PIGU: variants seen among roughly 807,000 people sequenced by gnomAD.
PIGU encodes the protein GPI-anchor transamidase component PIGU.
In PIGU, 24 loss-of-function variants were observed where a neutral mutation model predicts 49.9. The observed-to-expected ratio is 0.48, with a 90% CI of 0.35 to 0.68. The LOEUF is 0.68. Ranked by LOEUF, PIGU falls within the 30% of genes least tolerant of loss-of-function variation. The pLI is 0.01. For synonymous variants in PIGU, 220 were observed against 205.7 expected (o/e 1.07, Z -0.59); for missense variants, 490 against 532.6 (o/e 0.92, Z 0.79).
At chr20:34,662,873 G>A (rs1160153369) in intron 1 of PIGU, among the ~76,000 whole-genome samples, 1 of 152,072 alleles carries the variant, frequency 6.6e-6, no homozygotes, top group Non-Finnish European at 1.5e-5. Context: ...TTAGCAATGA[G>A]GATGTATTAT....
In PIGU at chr20:34,668,338, T is replaced by C. The variant is rs542048128; in HGVS notation, c.130+8618A>G. Among the ~76,000 whole-genome samples, 3 of 151,314 alleles carry C rather than the reference T, an allele frequency of 2.0e-5. No individual in the cohort carries two copies. The Admixed American group carries it at 2.0e-4, about 10-fold the overall frequency. ...ATTAGCTGGCATGGTGGCAGGGACC[T>C]ATAATCCCAGCTACTCGGGAGGCTA... On this transcript the variant is annotated intron_variant, in intron 1 of 11. Coordinates refer to ENST00000217446, the MANE Select transcript of PIGU (RefSeq NM_080476.5).
intron 7 of PIGU, among the ~76,000 whole-genome samples, chr20:34,612,366 C>T (rs1984847791): frequency 6.6e-6 from 1 of 151,912 alleles, no homozygotes; most frequent in African/African-American, 2.4e-5. Context: ...GGGTGGGGGA[C>T]AAGGTGTGGG....
At chr20:34,659,619 G>A (rs1332964474) in intron 1 of PIGU, among the ~76,000 whole-genome samples, 2 of 152,216 alleles carry the variant, frequency 1.3e-5, no homozygotes, top group Admixed American at 6.5e-5. Context: ...AGGGGGGAAA[G>A]GTGGGGAAAA....
intron 1 of PIGU, 85 bp from the exon 2 acceptor site, chr20:34,657,329 C>T (rs966302937): frequency 2.0e-6 from 2 of 979,842 alleles, no homozygotes; most frequent in Non-Finnish European, 3.2e-6. Context: ...CCAAAAAGGG[C>T]CTTAGCGTTT....
intron 6 of PIGU, among the ~76,000 whole-genome samples, chr20:34,626,032 T>C (rs2146751039): frequency 6.6e-6 from 1 of 151,034 alleles, no homozygotes; most frequent in Non-Finnish European, 1.5e-5. Context: ...TAGTTTAAAA[T>C]TATATTTAAA....
chr20:34,668,095 G>A (rs1280134376), intron 1 of PIGU, among the ~76,000 whole-genome samples: 1 of 152,100 alleles, frequency 6.6e-6, no homozygotes, highest in African/African-American at 2.4e-5. Context: ...GCTCTTCAAA[G>A]TGTCAAGGTC....
At chr20:34,574,942 T>A (rs886827189) in intron 11 of PIGU, among the ~76,000 whole-genome samples, 162 bp downstream of exon 11, 2 of 152,160 alleles carry the variant, frequency 1.3e-5, no homozygotes, top group Admixed American at 1.3e-4. Context: ...TACACTGCTC[T>A]TACTTCCCCG....
At chr20:34,573,184 T>A (rs1016191912) in intron 11 of PIGU, among the ~76,000 whole-genome samples, 18 of 151,752 alleles carry the variant, frequency 1.2e-4, no homozygotes, top group African/African-American at 4.4e-4. Flanking sequence ...TTGACTTCTT[T>A]CCCCCAGCAA....
chr20:34,628,591 C>T (rs371214806), intron 6 of PIGU, among the ~76,000 whole-genome samples: 1 of 152,140 alleles, frequency 6.6e-6, no homozygotes, highest in Admixed American at 6.5e-5. Flanking sequence ...TGGCTCACAC[C>T]TGTAACCCCA....
chr20:34,569,875 C>CT (rs1982933347), intron 11 of PIGU, among the ~76,000 whole-genome samples: 1 of 152,162 alleles, frequency 6.6e-6, no homozygotes, highest in African/African-American at 2.4e-5. Context: ...AGGGCTCGCC[C>CT]TAATGGAACC....
chr20:34,666,252 A>T (rs751836853), intron 1 of PIGU, among the ~76,000 whole-genome samples: 11 of 152,118 alleles, frequency 7.2e-5, no homozygotes, highest in Non-Finnish European at 1.5e-4. Flanking sequence ...AGTGCCTATT[A>T]GGGGGAAAAA....
chr20:34,561,151 C>G (rs1982488833), intron 11 of PIGU, among the ~76,000 whole-genome samples, 172 bp from the exon 12 acceptor site: 1 of 152,166 alleles, frequency 6.6e-6, no homozygotes, highest in Non-Finnish European at 1.5e-5. Context: ...ATAATTGACC[C>G]TGCAAGGTCT....
Position 34,620,809 on chromosome 20 carries a change from C to CAA in PIGU, c.530-4672_530-4671dup, listed in dbSNP as rs71194628. Among the ~76,000 whole-genome samples, 916 of 127,764 alleles carry CAA rather than the reference C, an allele frequency of 7.2e-3. 17 individuals carry two copies. Among genetic ancestry groups the CAA allele is most frequent in the African/African-American group, 0.026 (805 of 31,512 alleles). 83.8% of individuals were successfully genotyped at this position (127,764 alleles called of 152,430 possible). On this transcript the variant is annotated intron_variant, in intron 6 of 11. Coordinates refer to ENST00000217446, the MANE Select transcript of PIGU (RefSeq NM_080476.5). The stretch of plus-strand genomic sequence containing the variant: ...CAGCAAGACTCCACCTAAAAAAAAA[C>CAA]AAAAAAAAAACAAAAAAAAAAAAAC...
intron 7 of PIGU, among the ~76,000 whole-genome samples, chr20:34,590,484 G>T (rs182098222): frequency 6.6e-6 from 1 of 152,094 alleles, no homozygotes; most frequent in Non-Finnish European, 1.5e-5. Context: ...TTGAACCCAG[G>T]ATGCAGAGGC....
intron 8 of PIGU, among the ~76,000 whole-genome samples, chr20:34,587,601 A>G (rs2146712110): frequency 6.6e-6 from 1 of 152,308 alleles, no homozygotes; most frequent in Middle Eastern, 3.4e-3. Context: ...AAAGAAAAAA[A>G]CATATTCCTC....
At chr20:34,607,448 C>T (rs891240254) in intron 7 of PIGU, among the ~76,000 whole-genome samples, 2 of 152,160 alleles carry the variant, frequency 1.3e-5, no homozygotes, top group African/African-American at 2.4e-5. Flanking sequence ...ACCTTGATGG[C>T]GGGACCTCGG....
chr20:34,623,677 G>A (rs1289957570), intron 6 of PIGU, among the ~76,000 whole-genome samples: 1 of 152,202 alleles, frequency 6.6e-6, no homozygotes, highest in Non-Finnish European at 1.5e-5. Context: ...AATAGGCAGA[G>A]CAACTAGTTA....
chr20:34,628,389 G>A (rs1479263203), intron 6 of PIGU, among the ~76,000 whole-genome samples: 1 of 152,064 alleles, frequency 6.6e-6, no homozygotes, highest in East Asian at 1.9e-4. Flanking sequence ...TCTATTTCTA[G>A]GACATTATAA....
At chr20:34,585,804 C>T (rs1001619279) in intron 8 of PIGU, among the ~76,000 whole-genome samples, 10 of 152,046 alleles carry the variant, frequency 6.6e-5, no homozygotes, top group Non-Finnish European at 1.2e-4. Flanking sequence ...ATTAGCTAAG[C>T]CAAACAAATC....
Sources: gnomAD v4.1 joint callset for allele counts (sites outside exome capture counted in the v4.1 genomes callset) on GRCh38, gnomAD v4.1.1 for gene constraint, MANE v1.5 for transcripts, NCBI Gene and HGNC (gene_info 2026-07-23, HGNC 2026-07-21) for gene names.